The following SACS variants were observed in gnomAD, a reference collection of about 807,000 sequenced individuals.
SACS encodes the protein sacsin.
In SACS, 197 loss-of-function variants were observed where a neutral mutation model predicts 348.0. That is an observed-to-expected ratio of 0.57 (90% CI 0.50 to 0.64). SACS has a LOEUF of 0.64. Among genes scored for constraint, SACS ranks in the 30% least tolerant of loss-of-function variants. The probability of loss-of-function intolerance (pLI) is 0.00; values close to 1 mark genes in which losing one functional copy is unlikely to be tolerated. For missense variants in SACS, 4,999 were observed against 5,360.8 expected (o/e 0.93, Z 2.11); for synonymous variants, 1,985 against 1,910.6 (o/e 1.04, Z -1.02).
At chr13:23,401,645 C>T (rs1035314832) in intron 2 of SACS, among the ~76,000 whole-genome samples, 2 of 152,220 alleles carry the variant, frequency 1.3e-5, no homozygotes, top group Admixed American at 1.3e-4. Flanking sequence ...ACAGAAATAA[C>T]AAAATTTCCT....
chr13:23,329,798 A>G lies in SACS; in HGVS notation c.*338T>C. ...TCAAAAATACCATGTTAAAAACATAAAATTAACTTCATCCTAACCAGAGAC... is the reference window on the plus strand; with the variant it reads ...TCAAAAATACCATGTTAAAAACATAGAATTAACTTCATCCTAACCAGAGAC... On this transcript the variant is annotated 3_prime_UTR_variant, in exon 10 of 10. Coordinates refer to ENST00000382292, the MANE Select transcript of SACS (RefSeq NM_014363.6). 1 of 466,446 alleles carries G rather than the reference A, an allele frequency of 2.1e-6. No homozygotes were observed. The highest frequency in any genetic ancestry group is 3.9e-5 in the East Asian group (1 of 25,436). 28.9% of individuals were successfully genotyped at this position (466,446 alleles called of 1,614,324 possible). A position where few individuals can be genotyped will look rare whatever the true frequency, so the allele number is the denominator to read the frequency against.
At chr13:23,343,513 C>T (rs1869403563) in intron 9 of SACS, among the ~76,000 whole-genome samples, 1 of 152,034 alleles carries the variant, frequency 6.6e-6, no homozygotes. Flanking sequence ...GGTGAAACCC[C>T]ATCTCTACTA....
Position 23,329,220 on chromosome 13 carries a change from AC to A in SACS, c.*915del. 2.1e-6 allele frequency: 1 copy of A among 466,376 alleles called. No individual in the cohort carries two copies. Among genetic ancestry groups the A allele is most frequent in the Non-Finnish European group, 3.7e-6 (1 of 267,986 alleles). The allele number at this position is 466,376 out of a possible 1,614,324, so 28.9% of individuals were successfully genotyped here. A position where few individuals can be genotyped will look rare whatever the true frequency, so the allele number is the denominator to read the frequency against. ...TTTTGATGTTTTTAAAGTTAAAAAA[AC>A]TCCACTACATGCCATATTGAAAGAA... On this transcript the variant is annotated 3_prime_UTR_variant, in exon 10 of 10. Coordinates refer to ENST00000382292, the MANE Select transcript of SACS (RefSeq NM_014363.6).
At chr13:23,400,716 G>C (rs996959048) in intron 2 of SACS, among the ~76,000 whole-genome samples, 13 of 152,130 alleles carry the variant, frequency 8.5e-5, no homozygotes, top group Non-Finnish European at 1.5e-4. Context: ...CACCGCGCCC[G>C]GCCAGTCACT....
At chr13:23,343,239 T>A (rs945368197) in intron 9 of SACS, among the ~76,000 whole-genome samples, 3 of 152,238 alleles carry the variant, frequency 2.0e-5, no homozygotes, top group African/African-American at 7.2e-5. Context: ...TTTCAGAGTA[T>A]AACATTTATA....
intron 9 of SACS, chr13:23,346,736 G>T: frequency 1.4e-6 from 1 of 700,220 alleles, no homozygotes; most frequent in Non-Finnish European, 1.8e-6. Context: ...TTAGGTAAAT[G>T]CAAAAACAGA....
In SACS at chr13:23,336,904, A is replaced by C; in HGVS notation, c.6972T>G (p.His2324Gln). Residue 2324 changes from histidine to glutamine, a missense_variant, in exon 10 of 10, where the codon CAT becomes CAG. Around this residue, in one of 6 missense-constraint regions of SACS, gnomAD observed 3,156 missense variants for 3,380.1 expected, o/e 0.93. Coordinates refer to ENST00000382292, the MANE Select transcript of SACS (RefSeq NM_014363.6). ...TGATTTCATTTTGCATCAAGGCTTC[A>C]TGAAGGTATTTGTAGCAAGCATTGG... Reference protein sequence around the residue: ...NITNACYKYLHEALMQNEITK... With the variant: ...NITNACYKYLQEALMQNEITK... 1 of 1,613,854 alleles carries C rather than the reference A, an allele frequency of 6.2e-7. No individual in the cohort carries two copies. The highest frequency in any genetic ancestry group is 8.5e-7 in the Non-Finnish European group (1 of 1,179,782).
chr13:23,338,134 T>A lies in SACS; in HGVS notation c.5742A>T (p.Arg1914Ser). 1 of 1,614,158 alleles carries A rather than the reference T, an allele frequency of 6.2e-7. No individual in the cohort carries two copies. The highest frequency in any genetic ancestry group is 1.1e-5 in the South Asian group (1 of 91,082). ...GTAAGTAAGCTTTCACAATAACATGTCTCATGAACGTGGTATTCCATCGTC... is the reference window on the plus strand; with the variant it reads ...GTAAGTAAGCTTTCACAATAACATGACTCATGAACGTGGTATTCCATCGTC... Reference protein sequence around the residue: ...TKGRWNTTFMRHVIVKAYLQV... With the variant: ...TKGRWNTTFMSHVIVKAYLQV... The change falls in exon 10 of 10, where the codon AGA becomes AGT. Residue 1914 changes from arginine (R) to serine (S), a missense_variant. Around this residue, in one of 6 missense-constraint regions of SACS, gnomAD observed 3,156 missense variants for 3,380.1 expected, o/e 0.93. Transcript: ENST00000382292.
chr13:23,392,396 G>T (rs117700806), intron 2 of SACS, among the ~76,000 whole-genome samples: 4,639 of 152,274 alleles, frequency 0.03, 128 homozygotes, highest in Middle Eastern at 0.068. Context: ...GACAGTGGTG[G>T]ACAGCACCTT....
intron 2 of SACS, among the ~76,000 whole-genome samples, chr13:23,387,274 A>C (rs994817438): frequency 6.6e-6 from 1 of 151,990 alleles, no homozygotes; most frequent in African/African-American, 2.4e-5. Context: ...CCTGGCTAAC[A>C]CAGTGAAACC....
intron 1 of SACS, among the ~76,000 whole-genome samples, chr13:23,415,156 C>T (rs1357845252): frequency 5.9e-5 from 9 of 152,070 alleles, no homozygotes; most frequent in African/African-American, 2.2e-4. Context: ...CTCAGCCTCC[C>T]GAGTAGCTGG....
At position 23,332,999 on chromosome 13, in the gene SACS, T is replaced by C; in HGVS notation, c.10877A>G (p.Asp3626Gly). Residue 3626 changes from aspartate (D) to glycine (G), a missense_variant, in exon 10 of 10, where the codon GAT (aspartate) becomes GGT (glycine). Around this residue, in one of 6 missense-constraint regions of SACS, gnomAD observed 831 missense variants for 941.8 expected, o/e 0.88. Coordinates refer to ENST00000382292, the MANE Select transcript of SACS (RefSeq NM_014363.6). ...TTGGAATATATGATGCAGAAGGATA[T>C]CAACTGTATTTTGCAATGTTTCTTT... ...WSKETLQNTVDILLHHIFQER... is the reference protein window; with the variant it reads ...WSKETLQNTVGILLHHIFQER... 1 of 1,613,924 alleles carries C rather than the reference T, an allele frequency of 6.2e-7. No individual in the cohort carries two copies. Among genetic ancestry groups the C allele is most frequent in the Non-Finnish European group, 8.5e-7 (1 of 1,179,896 alleles).
Position 23,333,451 on chromosome 13 carries a change from C to T in SACS, c.10425G>A (p.Glu3475=). 1 of 1,612,324 alleles carries T rather than the reference C, an allele frequency of 6.2e-7. No homozygotes were observed. The highest frequency in any genetic ancestry group is 8.5e-7 in the Non-Finnish European group (1 of 1,179,026). ...VIGCVPVDDL[E]VYLKHLLPKI... is the part of the protein sequence containing the mutation. ...TTGGTAAGAGGTGTTTCAAATATAC[C>T]TCAAGATCATCTACAGGTACACAAC... The change falls in exon 10 of 10, where the codon GAG becomes GAA. Residue 3475 remains glutamate, a synonymous_variant. Transcript: ENST00000382292.
chr13:23,391,363 G>A (rs767828136), intron 2 of SACS, among the ~76,000 whole-genome samples: 29 of 152,166 alleles, frequency 1.9e-4, no homozygotes, highest in African/African-American at 3.6e-4. Context: ...CCAGCTCTCC[G>A]GCTCAGGTTG....
chr13:23,368,994 T>C (rs1035164234), intron 4 of SACS, among the ~76,000 whole-genome samples: 25 of 152,322 alleles, frequency 1.6e-4, no homozygotes, highest in African/African-American at 3.1e-4. Context: ...CCACCATGCC[T>C]GGCCTCAAGA....
chr13:23,369,433 T>C (rs1003476422), intron 4 of SACS, among the ~76,000 whole-genome samples: 3 of 152,226 alleles, frequency 2.0e-5, no homozygotes, highest in African/African-American at 7.2e-5. Flanking sequence ...AAGAAACCTC[T>C]GCTTAAAAAA....
rs746067756 is a variant in SACS, at chr13:23,335,945, A to C, written c.7931T>G (p.Ile2644Ser). The stretch of plus-strand genomic sequence containing the variant: ...GGCATGAGGATCAAAAATACACAGG[A>C]TGTCATTGCCAGAAATAAAAGATGG... ...DCPSFISGND[I>S]LCIFDPHARY... Residue 2644 changes from isoleucine (I) to serine (S), a missense_variant, in exon 10 of 10, where the codon ATC becomes AGC. Ile to Ser is a moderately radical substitution (Grantham distance 142). Transcript: ENST00000382292. The surrounding 1 kb of genome is among the most constrained non-coding windows in gnomAD (Gnocchi z 4.7). 1 of 1,612,708 alleles carries C rather than the reference A, an allele frequency of 6.2e-7. No individual in the cohort carries two copies. Among genetic ancestry groups the C allele is most frequent in the South Asian group, 1.1e-5 (1 of 91,052 alleles).
chr13:23,393,436 C>G (rs1248723881), intron 2 of SACS, among the ~76,000 whole-genome samples: 1 of 152,160 alleles, frequency 6.6e-6, no homozygotes, highest in Non-Finnish European at 1.5e-5. Flanking sequence ...AAGCCCACGT[C>G]CTCCCCTGTC....
rs772595501 is a variant in SACS, at chr13:23,334,153, C to G, written c.9723G>C (p.Glu3241Asp). 1.9e-6 allele frequency: 3 copies of G among 1,613,914 alleles called. No individual in the cohort carries two copies. The highest frequency in any genetic ancestry group is 4.5e-5 in the East Asian group (2 of 44,880). ...CTKWKDNFAS[E>D]SWLKNAWHFI... Reference sequence around the variant, plus strand: ...AATGCCATGCATTCTTAAGCCAAGACTCACTTGCAAAATTGTCTTTCCACT... The same window carrying G: ...AATGCCATGCATTCTTAAGCCAAGAGTCACTTGCAAAATTGTCTTTCCACT... The change falls in exon 10 of 10, where the codon GAG becomes GAC. Residue 3241 changes from glutamate (E) to aspartate (D), a missense_variant. Glu to Asp is a conservative substitution (Grantham distance 45, BLOSUM62 2). Coordinates refer to ENST00000382292, the MANE Select transcript of SACS (RefSeq NM_014363.6).
Sources: allele counts gnomAD v4.1 joint callset (sites outside exome capture counted in the v4.1 genomes callset), GRCh38; gene constraint gnomAD v4.1.1; regional missense constraint gnomAD v4.1.1; non-coding constraint Gnocchi (gnomAD v3.1); transcripts MANE v1.5; gene names NCBI Gene and HGNC (gene_info 2026-07-23, HGNC 2026-07-21).